MRPL32: variants seen among roughly 807,000 people sequenced by gnomAD.
The protein encoded by MRPL32 is large ribosomal subunit protein bL32m.
In MRPL32, 14 loss-of-function variants were observed where a neutral mutation model predicts 21.7. The ratio of observed to expected loss-of-function variants is 0.64; its 90% CI spans 0.43 to 1.01. MRPL32 has a LOEUF of 1.01. Among genes scored for constraint, MRPL32 ranks in the 50% least tolerant of loss-of-function variants. The pLI is 0.00. For synonymous variants in MRPL32, 83 were observed against 87.7 expected (o/e 0.95, Z 0.30); for missense variants, 211 against 235.9 (o/e 0.89, Z 0.69).
intron 1 of MRPL32, among the ~76,000 whole-genome samples, chr7:42,933,385 C>G (rs1786364679): frequency 6.6e-6 from 1 of 152,002 alleles, no homozygotes; most frequent in Non-Finnish European, 1.5e-5. Flanking sequence ...TTCTGCAGGT[C>G]TCACTTGGCA....
chr7:42,933,284 G>C (rs1179975490), intron 1 of MRPL32, among the ~76,000 whole-genome samples: 1 of 152,024 alleles, frequency 6.6e-6, no homozygotes, highest in Non-Finnish European at 1.5e-5. Flanking sequence ...GGTCATCCTA[G>C]GATACAGCCT....
chr7:42,934,040 G>C (rs919039859), intron 1 of MRPL32, among the ~76,000 whole-genome samples: 27 of 152,260 alleles, frequency 1.8e-4, no homozygotes, highest in Non-Finnish European at 3.5e-4. Flanking sequence ...AGGCCAAGGT[G>C]GGTCCATCAC....
chr7:42,934,162 G>A (rs1786383660), intron 1 of MRPL32, among the ~76,000 whole-genome samples: 7 of 151,762 alleles, frequency 4.6e-5, no homozygotes, highest in Admixed American at 3.9e-4. Context: ...CAGCTACTTG[G>A]GAGGCTGAGG....
chr7:42,933,166 T>C (rs889931024), intron 1 of MRPL32, among the ~76,000 whole-genome samples: 2 of 152,108 alleles, frequency 1.3e-5, no homozygotes, highest in East Asian at 3.9e-4. Flanking sequence ...CAGGAAATGC[T>C]CTAAGGGAGT....
intron 1 of MRPL32, among the ~76,000 whole-genome samples, chr7:42,933,513 TTCC>T (rs1219196844): frequency 3.6e-5 from 5 of 138,692 alleles, no homozygotes; most frequent in Non-Finnish European, 7.8e-5. Flanking sequence ...CTTTCCTCCC[TTCC>T]TCCCTCCCTC....
chr7:42,932,541 A>C (rs1441894308), intron 1 of MRPL32, 25 bp downstream of exon 1: 1 of 1,577,148 alleles, frequency 6.3e-7, no homozygotes, highest in South Asian at 1.1e-5. Flanking sequence ...GCTCCGTGGG[A>C]GAGGGGGCTG....
rs759646308 is a variant in MRPL32 at position 42,932,436 on chromosome 7, G to T, written c.50G>T (p.Arg17Leu). Residue 17 changes from arginine (R) to leucine (L), a missense_variant, in exon 1 of 3, where the codon CGG becomes CTG. Physicochemically the swap from Arg to Leu is moderately radical, Grantham distance 102 (BLOSUM62 -2). Around this residue, in one of 2 missense-constraint regions of MRPL32, gnomAD observed 81 missense variants for 55.8 expected, o/e 1.45. Transcript: ENST00000223324. The part of the protein sequence containing the change: ...VLVVSPWSAA[R>L]GVLRNYWERL... ...GTGGTTTCGCCGTGGTCTGCGGCCCGGGGAGTGCTTCGAAACTACTGGGAG... is the reference window on the plus strand; with the variant it reads ...GTGGTTTCGCCGTGGTCTGCGGCCCTGGGAGTGCTTCGAAACTACTGGGAG... 5 of 1,612,486 alleles carry T rather than the reference G, an allele frequency of 3.1e-6. No individual in the cohort carries two copies. The African/African-American group carries it at 5.3e-5, about 17-fold the overall frequency.
chr7:42,933,263 G>C (rs1312370277), intron 1 of MRPL32, among the ~76,000 whole-genome samples: 2 of 152,032 alleles, frequency 1.3e-5, no homozygotes, highest in African/African-American at 2.4e-5. Flanking sequence ...GCACTTTAAA[G>C]GGGGGGCCGA....
At position 42,932,512 on chromosome 7, in the gene MRPL32, G is replaced by T. The variant is rs778441099; in HGVS notation, c.126G>T (p.Pro42=). Residue 42 remains proline, a synonymous_variant, in exon 1 of 3, where the codon CCG becomes CCT. Coordinates refer to ENST00000223324, the MANE Select transcript of MRPL32 (RefSeq NM_031903.3). Reference sequence around the variant, plus strand: ...GCCGGCCGGGCTTTCCCAGTCCTCCGTGGGGTAGGTAAAGAAGGGCTCCGT... The same window carrying T: ...GCCGGCCGGGCTTTCCCAGTCCTCCTTGGGGTAGGTAAAGAAGGGCTCCGT... ...PQSRPGFPSP[P]WGPALAVQGP... is the part of the protein sequence containing the mutation. The T allele has an allele frequency of 3.1e-6, 5 of 1,603,300 alleles. No individual in the cohort carries two copies. The highest frequency in any genetic ancestry group is 1.3e-5 in the African/African-American group (1 of 74,770).
At position 42,934,881 on chromosome 7, in the gene MRPL32, A is replaced by G. The variant is rs2128676063; in HGVS notation, c.131-74A>G. 5.8e-6 allele frequency: 7 copies of G among 1,212,880 alleles called. No individual in the cohort carries two copies. In the South Asian group the frequency reaches 1.1e-4, roughly 19 times the overall value. The allele number at this position is 1,212,880 out of a possible 1,614,324, so 75.1% of individuals were successfully genotyped here. A position where few individuals can be genotyped will look rare whatever the true frequency, so the allele number is the denominator to read the frequency against. ...GTGTATGTTTGACCATTGATTGTTAAGGAAAATGATATCTGTAAATAGTAA... is the reference window on the plus strand; with the variant it reads ...GTGTATGTTTGACCATTGATTGTTAGGGAAAATGATATCTGTAAATAGTAA... On this transcript the variant is annotated intron_variant, in intron 1 of 2. Transcript: ENST00000223324.
At chr7:42,932,577 A>G (rs1786341138) in intron 1 of MRPL32, 61 bp downstream of exon 1, 8 of 1,513,780 alleles carry the variant, frequency 5.3e-6, no homozygotes, top group Non-Finnish European at 7.1e-6. Context: ...GCAGCGTAGC[A>G]GACGCAGCTT....
At chr7:42,933,726 A>G (rs868609486) in intron 1 of MRPL32, among the ~76,000 whole-genome samples, 1 of 152,204 alleles carries the variant, frequency 6.6e-6, no homozygotes, top group African/African-American at 2.4e-5. Context: ...ATATGCCACT[A>G]TATGCCAAGC....
At chr7:42,934,343 A>G (rs948493920) in intron 1 of MRPL32, among the ~76,000 whole-genome samples, 2 of 152,106 alleles carry the variant, frequency 1.3e-5, no homozygotes, top group African/African-American at 2.4e-5. Context: ...TTTATAAGCA[A>G]TTCAGAAAAA....
rs1583615246 is a variant in MRPL32, at chr7:42,937,825, C to A, written c.*249C>A. ...TTAAGTAAACATAAAATTTCCAGAA[C>A]AAAAATAAAAAATTTAAAATTCATA... On this transcript the variant is annotated 3_prime_UTR_variant, in exon 3 of 3. Transcript: ENST00000223324. 3.1e-6 allele frequency: 1 copy of A among 321,008 alleles called. No individual in the cohort carries two copies. The highest frequency in any genetic ancestry group is 5.1e-5 in the East Asian group (1 of 19,542). The allele number at this position is 321,008 out of a possible 1,614,324, so 19.9% of individuals were successfully genotyped here. A position where few individuals can be genotyped will look rare whatever the true frequency, so the allele number is the denominator to read the frequency against.
At chr7:42,933,928 T>A (rs1250420588) in intron 1 of MRPL32, among the ~76,000 whole-genome samples, 1 of 152,180 alleles carries the variant, frequency 6.6e-6, no homozygotes, top group African/African-American at 2.4e-5. Context: ...ATGCCAGTTG[T>A]TAAGTGTTAG....
At position 42,935,398 on chromosome 7, in the gene MRPL32, C is replaced by T. The variant is rs1390128060; in HGVS notation, c.312+262C>T. On this transcript the variant is annotated intron_variant, in intron 2 of 2. Transcript: ENST00000223324. ...AAGGAACGAGGCTGTGAGGTGCCTA[C>T]ATGACTTCTGAATTGTGAGCTGTGT... is the stretch of plus-strand genomic sequence containing the variant. 8 of 295,706 alleles carry T rather than the reference C, an allele frequency of 2.7e-5. No homozygotes were observed. In the East Asian group the frequency reaches 5.0e-4, roughly 18 times the overall value. The allele number at this position is 295,706 out of a possible 1,614,324, so 18.3% of individuals were successfully genotyped here. A position where few individuals can be genotyped will look rare whatever the true frequency, so the allele number is the denominator to read the frequency against.
chr7:42,932,632 C>A, intron 1 of MRPL32, 116 bp downstream of exon 1: 1 of 1,155,134 alleles, frequency 8.7e-7, no homozygotes, highest in Non-Finnish European at 1.1e-6. Context: ...GGCCTCATGT[C>A]GGGGACGTAG....
At position 42,932,609 on chromosome 7, in the gene MRPL32, G is replaced by A. The variant is rs532699263; in HGVS notation, c.130+93G>A. 6 of 1,363,172 alleles carry A rather than the reference G, an allele frequency of 4.4e-6. No individual in the cohort carries two copies. In the East Asian group the frequency reaches 1.3e-4, roughly 29 times the overall value. The allele number at this position is 1,363,172 out of a possible 1,614,324, so 84.4% of individuals were successfully genotyped here. ...GCTTACACAGTTCGCCCTCAGCCCC[G>A]GTTCTGATCCGCGGCCTCATGTCGG... On this transcript the variant is annotated intron_variant, in intron 1 of 2. Coordinates refer to ENST00000223324, the MANE Select transcript of MRPL32 (RefSeq NM_031903.3).
At chr7:42,933,266 G>A (rs11760760) in intron 1 of MRPL32, among the ~76,000 whole-genome samples, 12,764 of 152,160 alleles carry the variant, frequency 0.084, 627 homozygotes, top group Middle Eastern at 0.13. Context: ...CTTTAAAGGG[G>A]GGGCCGAGGT....
Sources: allele counts gnomAD v4.1 joint callset (sites outside exome capture counted in the v4.1 genomes callset), GRCh38; gene constraint gnomAD v4.1.1; regional missense constraint gnomAD v4.1.1; transcripts MANE v1.5; gene names NCBI Gene and HGNC (gene_info 2026-07-23, HGNC 2026-07-21).